ZNF846: variants seen among roughly 807,000 people sequenced by gnomAD.
The protein encoded by ZNF846 is zinc finger protein 846.
Under a neutral mutation model 16.0 loss-of-function variants are expected in ZNF846, and 15 were observed. The observed-to-expected ratio is 0.94, with a 90% CI of 0.63 to 1.45. The LOEUF (loss-of-function observed/expected upper bound fraction) is 1.45. Ranked by LOEUF, ZNF846 falls within the 40% of genes most tolerant of loss-of-function variation. The pLI is 0.00. For missense variants in ZNF846, 714 were observed against 622.3 expected, an observed-to-expected ratio of 1.15 and a Z score of -1.57; for synonymous variants, 229 against 212.0, an observed-to-expected ratio of 1.08 and a Z score of -0.70.
chr19:9,757,890 C>T (rs763477124), exon 6 of ZNF846: 107 of 1,613,464 alleles, frequency 6.6e-5, no homozygotes, highest in South Asian at 1.6e-4. Flanking sequence ...ACATTCTTTA[C>T]ATTCATAGGG....
At chr19:9,752,525 G>GA (rs932125878), downstream of ZNF846, 9 of 260,190 alleles carry the variant, frequency 3.5e-5, no homozygotes, top group African/African-American at 2.1e-4. Flanking sequence ...TGAAGCAGGA[G>GA]AATCACTTGA....
At chr19:9,754,644 C>T (rs1409136470), downstream of ZNF846, among the ~76,000 whole-genome samples, 1 of 140,640 alleles carries the variant, frequency 7.1e-6, no homozygotes, top group Admixed American at 7.0e-5. Flanking sequence ...CAAATTATGC[C>T]ATTAGATTGG....
chr19:9,758,421 G>A (rs868661009), exon 6 of ZNF846: 7 of 1,612,884 alleles, frequency 4.3e-6, no homozygotes, highest in Middle Eastern at 1.7e-4. Flanking sequence ...TCCATTGTGA[G>A]ATCTTATATG....
chr19:9,757,695 C>A (rs56872664), exon 6 of ZNF846: 2 of 1,612,864 alleles, frequency 1.2e-6, no homozygotes, highest in Admixed American at 3.3e-5. Context: ...ATTTGTGGAA[C>A]GAGCAAATGC....
intron 1 of ZNF846, among the ~76,000 whole-genome samples, chr19:9,766,677 ACCATCCTGGCCAACATGGTGAAAC>A (rs373547716): frequency 2.0e-4 from 30 of 152,054 alleles, no homozygotes; most frequent in Admixed American, 1.6e-3. Flanking sequence ...AGAGATGGAG[ACCATCCTGGCCAACATGGTGAAAC>A]CCATCCTGGC....
intron 1 of ZNF846, among the ~76,000 whole-genome samples, chr19:9,780,136 CT>C (rs2045488364): frequency 1.3e-5 from 2 of 151,518 alleles, no homozygotes; most frequent in African/African-American, 4.9e-5. Context: ...AGCAATCCCC[CT>C]ACCTCAGCCT....
downstream of ZNF846, among the ~76,000 whole-genome samples, chr19:9,748,644 T>A (rs2045062463): frequency 6.6e-6 from 1 of 152,174 alleles, no homozygotes; most frequent in Non-Finnish European, 1.5e-5. Flanking sequence ...TTGGTCTATA[T>A]CTCTGTTTTG....
upstream of ZNF846, among the ~76,000 whole-genome samples, chr19:9,773,563 C>T (rs925292808): frequency 1.3e-5 from 2 of 152,100 alleles, no homozygotes; most frequent in African/African-American, 4.8e-5. Context: ...GGGAGGATCA[C>T]CTGAGGTCAG....
intron 2 of ZNF846, among the ~76,000 whole-genome samples, chr19:9,764,442 A>G (rs957337415): frequency 1.3e-5 from 2 of 152,218 alleles, no homozygotes; most frequent in African/African-American, 4.8e-5. Flanking sequence ...CTGTACTTCT[A>G]CATACAAATG....
At chr19:9,750,629 G>C (rs2045076350), downstream of ZNF846, among the ~76,000 whole-genome samples, 1 of 152,134 alleles carries the variant, frequency 6.6e-6, no homozygotes, top group Non-Finnish European at 1.5e-5. Flanking sequence ...ACAACTGCCT[G>C]TCCCCCTCAT....
upstream of ZNF846, among the ~76,000 whole-genome samples, chr19:9,773,510 G>A (rs565875382): frequency 4.6e-5 from 7 of 152,228 alleles, no homozygotes; most frequent in South Asian, 2.1e-4. Flanking sequence ...AGCTGGGCAC[G>A]GTGGCTCACA....
downstream of ZNF846, among the ~76,000 whole-genome samples, chr19:9,750,728 G>A (rs1217541796): frequency 6.6e-6 from 1 of 152,138 alleles, no homozygotes; most frequent in Admixed American, 6.6e-5. Flanking sequence ...ACTTAGAACT[G>A]GAATAGCAGC....
intron 1 of ZNF846, among the ~76,000 whole-genome samples, chr19:9,767,574 C>T (rs900783126): frequency 1.3e-5 from 2 of 152,146 alleles, no homozygotes. Context: ...TTAGAATATT[C>T]AATCTACAGA....
chr19:9,773,747 A>C lies in ZNF846; in HGVS notation c.-85-8712T>G, dbSNP rs1309451015. Reference sequence around the variant, plus strand: ...CAGTGAGCCGAGATTGCACCACTGCACTTCAGCCTGGGCGACAGAGCGAAA... The same window carrying C: ...CAGTGAGCCGAGATTGCACCACTGCCCTTCAGCCTGGGCGACAGAGCGAAA... On this transcript the variant is annotated intron_variant, in intron 1 of 4. Transcript: ENST00000586814. Among the ~76,000 whole-genome samples, 3 of 152,298 alleles carry C rather than the reference A, an allele frequency of 2.0e-5. No individual in the cohort carries two copies. The East Asian group carries it at 5.8e-4, about 29-fold the overall frequency.
rs74183307 is a variant in ZNF846 at position 9,783,218 on chromosome 19, C to CTTTT, written c.-86+2716_-86+2719dup. Among the ~76,000 whole-genome samples the CTTTT allele has an allele frequency of 1.8e-4, 12 of 65,370 alleles. 1 individual carries two copies. Among genetic ancestry groups the CTTTT allele is most frequent in the Admixed American group, 4.5e-4 (2 of 4,484 alleles). 42.9% of individuals were successfully genotyped at this position (65,370 alleles called of 152,430 possible). ...AGTACCTGGACTTCTCCCTATAATT[C>CTTTT]TTTTTTTTTTTTTTTTTTTTTTTTT... On this transcript the variant is annotated intron_variant, in intron 1 of 4. Coordinates refer to the ZNF846 transcript ENST00000586814.
intron 4 of ZNF846, 123 bp downstream of exon 4, chr19:9,761,959 C>A: frequency 2.8e-6 from 2 of 706,092 alleles, no homozygotes; most frequent in Non-Finnish European, 4.8e-6. Flanking sequence ...AACCAAATGG[C>A]CTCAGCCTTC....
exon 6 of ZNF846, chr19:9,758,719 C>G: frequency 6.2e-7 from 1 of 1,605,756 alleles, no homozygotes; most frequent in Admixed American, 1.7e-5. Context: ...AAGACTTTTC[C>G]AGAATGGTTA....
intron 1 of ZNF846, chr19:9,775,056 G>A: frequency 9.3e-7 from 1 of 1,075,048 alleles, no homozygotes; most frequent in East Asian, 2.5e-5. Flanking sequence ...ATTGACACGT[G>A]CCACCGCCTG....
At chr19:9,759,448 A>T (rs1368863853) in intron 5 of ZNF846, among the ~76,000 whole-genome samples, 2 of 151,582 alleles carry the variant, frequency 1.3e-5, no homozygotes, top group Admixed American at 6.6e-5. Flanking sequence ...ACAAAAAAAA[A>T]AATAATCAGC....
Sources: allele counts gnomAD v4.1 joint callset (sites outside exome capture counted in the v4.1 genomes callset), GRCh38; gene constraint gnomAD v4.1.1; transcripts MANE v1.5; gene names NCBI Gene and HGNC (gene_info 2026-07-23, HGNC 2026-07-21).